The following DACH2 variants were observed in gnomAD, a reference collection of about 807,000 sequenced individuals.
DACH2 encodes dachshund homolog 2.
Under a neutral mutation model 35.8 loss-of-function variants are expected in DACH2, and 17 were observed. The ratio of observed to expected loss-of-function variants is 0.48; its 90% CI spans 0.33 to 0.71. DACH2 has a LOEUF of 0.71. Ranked by LOEUF, DACH2 falls within the 30% of genes least tolerant of loss-of-function variation. The pLI is 0.02. For synonymous variants in DACH2, 195 were observed against 177.3 expected, an observed-to-expected ratio of 1.10 and a Z score of -0.79; for missense variants, 469 against 472.7, an observed-to-expected ratio of 0.99 and a Z score of 0.07.
chrX:86,418,194 TG>T (rs2036742036), intron 2 of DACH2, among the ~76,000 whole-genome samples: 1 of 111,935 alleles, frequency 8.9e-6, no homozygotes, highest in Non-Finnish European at 1.9e-5. Context: ...ATTGAGTGTC[TG>T]GGGATTTTCC....
chrX:86,295,683 C>G (rs2034436847), intron 1 of DACH2, among the ~76,000 whole-genome samples: 1 of 110,973 alleles, frequency 9.0e-6, no homozygotes, highest in Admixed American at 9.6e-5. Flanking sequence ...TCGGGTTTTG[C>G]TTTTTGTTGT....
intron 2 of DACH2, among the ~76,000 whole-genome samples, chrX:86,406,260 C>T (rs892828894): frequency 2.7e-5 from 3 of 111,772 alleles, no homozygotes; most frequent in Non-Finnish European, 5.6e-5. Flanking sequence ...GATCTGGAGG[C>T]CATTATCCTA....
chrX:86,274,006 A>T (rs1373277307), intron 1 of DACH2, among the ~76,000 whole-genome samples: 1 of 111,980 alleles, frequency 8.9e-6, no homozygotes, highest in East Asian at 2.8e-4. Flanking sequence ...ATTTGCATGC[A>T]TTCTGTGCTA....
intron 3 of DACH2, among the ~76,000 whole-genome samples, chrX:86,579,388 C>A (rs754276072): frequency 2.1e-3 from 236 of 111,251 alleles, no homozygotes; most frequent in African/African-American, 7.0e-3. Context: ...GCACTGCACC[C>A]AGCTACCATT....
chrX:86,169,529 G>T (rs150984828), intron 1 of DACH2, among the ~76,000 whole-genome samples: 3,609 of 110,153 alleles, frequency 0.033, 145 homozygotes, highest in African/African-American at 0.11. Context: ...TCTTAGACTT[G>T]CCCTTTTAAT....
At chrX:86,483,126 C>A (rs2037966493) in intron 2 of DACH2, among the ~76,000 whole-genome samples, 1 of 99,847 alleles carries the variant, frequency 1.0e-5, no homozygotes, top group Admixed American at 1.1e-4. Context: ...TACCCTAAAA[C>A]TTAAAGTATA....
intron 3 of DACH2, among the ~76,000 whole-genome samples, chrX:86,542,469 C>T (rs73631961): frequency 0.023 from 2,564 of 111,354 alleles, 70 homozygotes; most frequent in African/African-American, 0.079. Context: ...GTGCCCTTTT[C>T]GCATGAGTCT....
At chrX:86,439,630 C>A (rs975615842) in intron 2 of DACH2, among the ~76,000 whole-genome samples, 1 of 111,008 alleles carries the variant, frequency 9.0e-6, no homozygotes, top group Non-Finnish European at 1.9e-5. Context: ...ATCCAATATT[C>A]CACTCTAATT....
intron 1 of DACH2, among the ~76,000 whole-genome samples, chrX:86,228,226 C>T (rs928806696): frequency 3.6e-5 from 4 of 110,295 alleles, no homozygotes; most frequent in African/African-American, 1.3e-4. Flanking sequence ...GTTTGGTTTT[C>T]GATTCCCGAG....
chrX:86,477,249 TCTGA>T (rs1235361948), intron 2 of DACH2, among the ~76,000 whole-genome samples: 1 of 107,419 alleles, frequency 9.3e-6, no homozygotes, highest in Non-Finnish European at 1.9e-5. Context: ...TGTTTATTTC[TCTGA>T]CTATTATTGT....
rs773530967 is a variant in DACH2, at chrX:86,694,608, G to T, written c.773-413G>T. ...ATTTTGTTTCTTACCATGTATTTTT[G>T]CATGTTATCATGCTCTTACAAATGA... On this transcript the variant is annotated intron_variant, in intron 4 of 11. Transcript: ENST00000373125. Among the ~76,000 whole-genome samples the T allele has an allele frequency of 1.3e-3, 149 of 112,041 alleles. 1 individual carries two copies. Among genetic ancestry groups the T allele is most frequent in the Non-Finnish European group, 2.4e-3 (129 of 53,187 alleles).
intron 1 of DACH2, among the ~76,000 whole-genome samples, chrX:86,195,522 T>C (rs1385917202): frequency 9.0e-6 from 1 of 111,670 alleles, no homozygotes; most frequent in African/African-American, 3.3e-5. Flanking sequence ...CCTCTGCCAT[T>C]GTAGTGAATG....
chrX:86,156,594 A>G (rs988060348), intron 1 of DACH2, among the ~76,000 whole-genome samples: 19 of 111,660 alleles, frequency 1.7e-4, no homozygotes, highest in Non-Finnish European at 3.6e-4. Flanking sequence ...TCTTCAAAGC[A>G]AGTATGACTT....
Position 86,653,436 on chromosome X carries a change from C to A in DACH2, c.772+2269C>A, listed in dbSNP as rs183663945. On this transcript the variant is annotated intron_variant, in intron 4 of 11. Transcript: ENST00000373125. Reference sequence around the variant, plus strand: ...AGCAGGGTGACTCCCCATTCCCAGTCTTGCACAGGTCCCTGTGGGGAGCAT... The same window carrying A: ...AGCAGGGTGACTCCCCATTCCCAGTATTGCACAGGTCCCTGTGGGGAGCAT... Among the ~76,000 whole-genome samples the A allele has an allele frequency of 1.3e-3, 143 of 111,187 alleles. 1 individual carries two copies. Among genetic ancestry groups the A allele is most frequent in the African/African-American group, 4.5e-3 (138 of 30,576 alleles).
chrX:86,547,798 G>C (rs5922255), intron 3 of DACH2, among the ~76,000 whole-genome samples: 37,025 of 111,036 alleles, frequency 0.33, 4,833 homozygotes, highest in Middle Eastern at 0.47. Context: ...GGAAAGGAAA[G>C]CATAATACTG....
intron 1 of DACH2, among the ~76,000 whole-genome samples, chrX:86,369,785 G>A (rs773249481): frequency 9.0e-6 from 1 of 111,408 alleles, no homozygotes; most frequent in South Asian, 3.7e-4. Context: ...CCATCAATAA[G>A]TTTGGACTTA....
At chrX:86,288,753 C>T (rs2034206695) in intron 1 of DACH2, among the ~76,000 whole-genome samples, 1 of 111,390 alleles carries the variant, frequency 9.0e-6, no homozygotes, top group South Asian at 3.9e-4. Flanking sequence ...GTGTTGAATA[C>T]TCTGACTTTG....
intron 3 of DACH2, among the ~76,000 whole-genome samples, chrX:86,597,938 TC>T (rs1229919848): frequency 9.0e-6 from 1 of 111,658 alleles, no homozygotes; most frequent in African/African-American, 3.3e-5. Flanking sequence ...GGACTTACAG[TC>T]CCACGTGGCT....
At chrX:86,618,864 G>A (rs943911797) in intron 3 of DACH2, among the ~76,000 whole-genome samples, 1 of 111,845 alleles carries the variant, frequency 8.9e-6, no homozygotes, top group African/African-American at 3.2e-5. Flanking sequence ...GAAGGAAGAA[G>A]AATTTATACT....
Sources: gnomAD v4.1 joint callset for allele counts (sites outside exome capture counted in the v4.1 genomes callset) on GRCh38, gnomAD v4.1.1 for gene constraint, MANE v1.5 for transcripts, NCBI Gene and HGNC (gene_info 2026-07-23, HGNC 2026-07-21) for gene names.